Variants in SP3 observed in about 807,000 individuals in gnomAD.
The protein encoded by SP3 is Sp3 transcription factor, also known as transcription factor Sp3.
Under a neutral mutation model 70.3 loss-of-function variants are expected in SP3, and 10 were observed. That is an observed-to-expected ratio of 0.14 (90% CI 0.09 to 0.24). The LOEUF is 0.24. SP3 is among the 10% of genes least tolerant of loss of function. The probability of loss-of-function intolerance (pLI) is 1.00; values close to 1 mark genes in which losing one functional copy is unlikely to be tolerated. For synonymous variants in SP3, 402 were observed against 333.5 expected (o/e 1.21, Z -2.24); for missense variants, 825 against 914.6 (o/e 0.90, Z 1.26).
chr2:173,964,684 C>CGGCGG (rs1691228932), intron 1 of SP3, 131 bp from the exon 2 acceptor site: 5 of 378,502 alleles, frequency 1.3e-5, no homozygotes, highest in African/African-American at 2.6e-5. Flanking sequence ...CACCCGCCCC[C>CGGCGG]CGGCGGCGGC....
Position 173,965,346 on chromosome 2 carries a change from C to G in SP3, c.-175G>C. The G allele has an allele frequency of 1.4e-6, 1 of 728,210 alleles. No homozygotes were observed. The highest frequency in any genetic ancestry group is 2.9e-5 in the East Asian group (1 of 34,218). 45.1% of individuals were successfully genotyped at this position (728,210 alleles called of 1,614,324 possible). ...GCGGGAAACACAAAAGGTGGAGCCT[C>G]CAGCCCAAAAGGGGGGAAGAGGGTG... is the stretch of plus-strand genomic sequence containing the variant. On this transcript the variant is annotated 5_prime_UTR_variant, in exon 1 of 7. Coordinates refer to ENST00000310015, the MANE Select transcript of SP3 (RefSeq NM_003111.5).
chr2:173,939,808 T>TA (rs1483559514), intron 4 of SP3, among the ~76,000 whole-genome samples: 13 of 141,888 alleles, frequency 9.2e-5, no homozygotes, highest in Non-Finnish European at 1.7e-4. Context: ...GGGGAGGAAT[T>TA]AAAAAGATTA....
chr2:173,905,972 GAC>G lies in SP3; in HGVS notation c.*3967_*3968del, dbSNP rs1434930371. On this transcript the variant is annotated 3_prime_UTR_variant, in exon 7 of 7. Transcript: ENST00000310015. ...CCATGATTGCACCACTGCACTGTGT[GAC>G]AGAGACAGACCCTGTCAAATATAGG... Among the ~76,000 whole-genome samples the G allele has an allele frequency of 4.6e-5, 7 of 152,180 alleles. No individual in the cohort carries two copies. The highest frequency in any genetic ancestry group is 1.7e-4 in the African/African-American group (7 of 41,442).
At chr2:173,921,928 T>C (rs991811262) in intron 4 of SP3, among the ~76,000 whole-genome samples, 2 of 152,192 alleles carry the variant, frequency 1.3e-5, no homozygotes, top group African/African-American at 4.8e-5. Context: ...CTCACCTCCC[T>C]CTACTTCTAC....
chr2:173,946,725 T>A (rs1165065295), intron 4 of SP3, among the ~76,000 whole-genome samples: 3 of 150,756 alleles, frequency 2.0e-5, no homozygotes, highest in Non-Finnish European at 4.4e-5. Flanking sequence ...ATCTGCCTTT[T>A]TTTTTTTTTT....
chr2:173,941,503 G>C (rs1482855723), intron 4 of SP3, among the ~76,000 whole-genome samples: 1 of 152,186 alleles, frequency 6.6e-6, no homozygotes, highest in African/African-American at 2.4e-5. Context: ...CCAGCTACTT[G>C]GGAAGCTGTG....
At chr2:173,926,868 T>C (rs1170366893) in intron 4 of SP3, among the ~76,000 whole-genome samples, 1 of 152,182 alleles carries the variant, frequency 6.6e-6, no homozygotes, top group Non-Finnish European at 1.5e-5. Flanking sequence ...AGTATTGTAT[T>C]AGTCCGTTCT....
intron 4 of SP3, among the ~76,000 whole-genome samples, chr2:173,928,101 A>G (rs1424992562): frequency 1.3e-5 from 2 of 152,112 alleles, no homozygotes; most frequent in Non-Finnish European, 2.9e-5. Flanking sequence ...TCTACTGTAC[A>G]TTTTCTAAGC....
intron 4 of SP3, among the ~76,000 whole-genome samples, chr2:173,953,309 T>C (rs1690773548): frequency 6.6e-6 from 1 of 152,220 alleles, no homozygotes; most frequent in Non-Finnish European, 1.5e-5. Flanking sequence ...AACAATTTCT[T>C]AGTGCAGCTT....
At chr2:173,925,222 T>C (rs144984767) in intron 4 of SP3, among the ~76,000 whole-genome samples, 258 of 152,330 alleles carry the variant, frequency 1.7e-3, no homozygotes, top group African/African-American at 5.7e-3. Flanking sequence ...ATGTGAAATA[T>C]TCTATTGTAT....
At chr2:173,938,765 A>G (rs72911188) in intron 4 of SP3, among the ~76,000 whole-genome samples, 12,011 of 152,184 alleles carry the variant, frequency 0.079, 598 homozygotes, top group African/African-American at 0.13. Flanking sequence ...AAAGATGTCA[A>G]CCTGAAGGTT....
Position 173,932,774 on chromosome 2 carries a change from C to T in SP3, c.1640-13989G>A, listed in dbSNP as rs542739278. Among the ~76,000 whole-genome samples, 183 of 152,144 alleles carry T rather than the reference C, an allele frequency of 1.2e-3. 2 individuals are homozygous for T. Among genetic ancestry groups the T allele is most frequent in the African/African-American group, 4.1e-3 (170 of 41,520 alleles). On this transcript the variant is annotated intron_variant, in intron 4 of 6. Transcript: ENST00000310015. ...TTGGGAGGCCAAGGCAGGTGGATCA[C>T]GAGGTCAGGAGATTGAGACCATCCT...
intron 1 of SP3, 200 bp from the exon 2 acceptor site, chr2:173,964,753 CCCTCCT>C (rs1050310605): frequency 1.2e-5 from 5 of 425,128 alleles, no homozygotes; most frequent in African/African-American, 2.2e-5. Flanking sequence ...CTGCCTGTAA[CCCTCCT>C]CCTCCTCCTC....
chr2:173,957,289 G>A (rs180842262), intron 3 of SP3, among the ~76,000 whole-genome samples: 251 of 151,996 alleles, frequency 1.7e-3, no homozygotes, highest in African/African-American at 5.0e-3. Flanking sequence ...ATCTTCAAAC[G>A]GTTCACTGTC....
At chr2:173,927,919 A>T (rs1689962974) in intron 4 of SP3, among the ~76,000 whole-genome samples, 1 of 152,162 alleles carries the variant, frequency 6.6e-6, no homozygotes, top group South Asian at 2.1e-4. Flanking sequence ...AATTATTCCA[A>T]TTCATTATTA....
At chr2:173,931,805 C>G (rs1481691703) in intron 4 of SP3, among the ~76,000 whole-genome samples, 2 of 152,212 alleles carry the variant, frequency 1.3e-5, no homozygotes, top group Non-Finnish European at 2.9e-5. Flanking sequence ...CCAACTCTTT[C>G]TGCAGCTTCC....
chr2:173,944,001 A>G (rs1011082022), intron 4 of SP3, among the ~76,000 whole-genome samples: 3 of 152,238 alleles, frequency 2.0e-5, no homozygotes, highest in Non-Finnish European at 4.4e-5. Flanking sequence ...ATGTATCTGT[A>G]TATCTAAACA....
At chr2:173,932,834 TACAAAACATTA>T (rs1690103523) in intron 4 of SP3, among the ~76,000 whole-genome samples, 2 of 151,938 alleles carry the variant, frequency 1.3e-5, no homozygotes, top group Non-Finnish European at 2.9e-5. Context: ...CTACTAAAAA[TACAAAACATTA>T]GCCAGGCTTG....
At chr2:173,923,599 C>T (rs1218872224) in intron 4 of SP3, among the ~76,000 whole-genome samples, 1 of 152,010 alleles carries the variant, frequency 6.6e-6, no homozygotes, top group Non-Finnish European at 1.5e-5. Flanking sequence ...ATTTAAATAG[C>T]TAACATTAGA....
Sources: gnomAD v4.1 joint callset for allele counts (sites outside exome capture counted in the v4.1 genomes callset) on GRCh38, gnomAD v4.1.1 for gene constraint, MANE v1.5 for transcripts, NCBI Gene and HGNC (gene_info 2026-07-23, HGNC 2026-07-21) for gene names.